PDE6D: variants seen among roughly 807,000 people sequenced by gnomAD.
PDE6D encodes the protein phosphodiesterase 6D.
In PDE6D, 10 loss-of-function variants were observed where a neutral mutation model predicts 21.9. That is an observed-to-expected ratio of 0.46 (90% CI 0.28 to 0.78). The LOEUF (loss-of-function observed/expected upper bound fraction) is 0.78. Ranked by LOEUF, PDE6D falls within the 30% of genes least tolerant of loss-of-function variation. PDE6D has a pLI of 0.12. For missense variants in PDE6D, 139 were observed against 184.8 expected (o/e 0.75, Z 1.44); for synonymous variants, 59 against 63.5 (o/e 0.93, Z 0.34).
chr2:231,768,021 T>G (rs1439186057), intron 1 of PDE6D, among the ~76,000 whole-genome samples: 1 of 151,964 alleles, frequency 6.6e-6, no homozygotes. Context: ...AATTTTTGTA[T>G]TTTTGGTAGA....
chr2:231,737,477 C>T, intron 3 of PDE6D, 185 bp from the exon 4 acceptor site: 2 of 516,218 alleles, frequency 3.9e-6, no homozygotes, highest in South Asian at 5.4e-5. Context: ...CTCTGAACCA[C>T]ACCAAAGGCT....
chr2:231,751,230 C>T (rs916135731), intron 1 of PDE6D, among the ~76,000 whole-genome samples: 4 of 151,990 alleles, frequency 2.6e-5, no homozygotes, highest in East Asian at 1.9e-4. Flanking sequence ...AATCACTGCT[C>T]ATTGCAGCCT....
At chr2:231,747,508 A>G (rs2048803822) in intron 1 of PDE6D, among the ~76,000 whole-genome samples, 1 of 152,218 alleles carries the variant, frequency 6.6e-6, no homozygotes, top group Non-Finnish European at 1.5e-5. Flanking sequence ...AGCTATTATT[A>G]TTATCAATGA....
At chr2:231,768,429 C>G (rs184829269) in intron 1 of PDE6D, among the ~76,000 whole-genome samples, 1 of 152,022 alleles carries the variant, frequency 6.6e-6, no homozygotes, top group African/African-American at 2.4e-5. Flanking sequence ...CTCCCTCTGT[C>G]GTACATGCTG....
At chr2:231,737,949 G>A (rs2048715707) in intron 3 of PDE6D, 64 bp downstream of exon 3, 11 of 1,488,368 alleles carry the variant, frequency 7.4e-6, no homozygotes, top group Admixed American at 2.0e-5. Context: ...AGTTCACTGG[G>A]TATTGTTGCC....
In PDE6D at chr2:231,732,860, T is replaced by C. The variant is rs1383228154; in HGVS notation, c.*92A>G. On this transcript the variant is annotated 3_prime_UTR_variant, in exon 5 of 5. Transcript: ENST00000287600. ...CTGTTGAGGGAATTAGGGGTGTATG[T>C]GTCAAAAATCAAACGTGTGGAGGAA... is the stretch of plus-strand genomic sequence containing the variant. The C allele has an allele frequency of 1.2e-6, 1 of 816,904 alleles. No homozygotes were observed. The highest frequency in any genetic ancestry group is 2.4e-5 in the East Asian group (1 of 41,020). 50.6% of individuals were successfully genotyped at this position (816,904 alleles called of 1,614,324 possible).
chr2:231,749,974 G>A (rs1459606192), intron 1 of PDE6D, among the ~76,000 whole-genome samples: 1 of 152,088 alleles, frequency 6.6e-6, no homozygotes, highest in Non-Finnish European at 1.5e-5. Context: ...GATATGGTTT[G>A]GCTATGTCCC....
chr2:231,780,471 A>T (rs1169552086), intron 1 of PDE6D, among the ~76,000 whole-genome samples: 2 of 152,080 alleles, frequency 1.3e-5, no homozygotes, highest in Non-Finnish European at 2.9e-5. Flanking sequence ...ACCTCCCCCA[A>T]CTACTCCAGT....
intron 1 of PDE6D, among the ~76,000 whole-genome samples, chr2:231,777,061 A>T (rs2049063299): frequency 6.6e-6 from 1 of 152,194 alleles, no homozygotes; most frequent in Non-Finnish European, 1.5e-5. Context: ...AACTGGCAAA[A>T]ATAAAAAAGA....
At position 231,780,062 on chromosome 2, in the gene PDE6D, T is replaced by C. The variant is rs998406831; in HGVS notation, c.50+1003A>G. On this transcript the variant is annotated intron_variant, in intron 1 of 4. Transcript: ENST00000287600. Reference sequence around the variant, plus strand: ...GAAGAGATTAAAGTTGGCAGGAGAATGGAAAATTTGAATATCCAAGTTTGC... The same window carrying C: ...GAAGAGATTAAAGTTGGCAGGAGAACGGAAAATTTGAATATCCAAGTTTGC... Among the ~76,000 whole-genome samples the C allele has an allele frequency of 2.6e-5, 4 of 152,308 alleles. No individual in the cohort carries two copies. The South Asian group carries it at 6.2e-4, about 24-fold the overall frequency.
intron 1 of PDE6D, among the ~76,000 whole-genome samples, chr2:231,776,734 C>T (rs374338836): frequency 2.0e-5 from 3 of 152,180 alleles, no homozygotes; most frequent in East Asian, 1.9e-4. Context: ...GTTGAAGGAA[C>T]GAAATGGGAA....
At chr2:231,744,434 C>CTTTTT (rs71396691) in intron 1 of PDE6D, among the ~76,000 whole-genome samples, 2 of 136,212 alleles carry the variant, frequency 1.5e-5, no homozygotes, top group African/African-American at 5.4e-5. Context: ...AATTGCTTTT[C>CTTTTT]TTTTTTTTTT....
chr2:231,744,437 T>C (rs1468896180), intron 1 of PDE6D, among the ~76,000 whole-genome samples: 1 of 150,026 alleles, frequency 6.7e-6, no homozygotes, highest in East Asian at 1.9e-4. Context: ...TGCTTTTCTT[T>C]TTTTTTTTTT....
chr2:231,751,704 G>C (rs528402341), intron 1 of PDE6D, among the ~76,000 whole-genome samples: 5 of 152,200 alleles, frequency 3.3e-5, no homozygotes, highest in African/African-American at 1.2e-4. Context: ...TATTAGACTG[G>C]AGTTATGGGT....
chr2:231,780,609 G>A (rs1204904877), intron 1 of PDE6D, among the ~76,000 whole-genome samples: 1 of 152,152 alleles, frequency 6.6e-6, no homozygotes, highest in African/African-American at 2.4e-5. Flanking sequence ...AAGGTCGCCC[G>A]CTCCAAGTCA....
At chr2:231,756,601 C>CTTTTTTTTTTTTTTTTTTTTTTT (rs78576087) in intron 1 of PDE6D, among the ~76,000 whole-genome samples, 1 of 116,456 alleles carries the variant, frequency 8.6e-6, no homozygotes, top group Admixed American at 9.1e-5. Context: ...CTAAACCTGG[C>CTTTTTTTTTTTTTTTTTTTTTTT]TTTTTTTTTT....
chr2:231,747,917 C>T (rs2048807266), intron 1 of PDE6D, among the ~76,000 whole-genome samples: 1 of 152,232 alleles, frequency 6.6e-6, no homozygotes, highest in Non-Finnish European at 1.5e-5. Flanking sequence ...TTTTCTCTTG[C>T]CGCCGCCATG....
chr2:231,756,754 CAA>C (rs1180864581), intron 1 of PDE6D, among the ~76,000 whole-genome samples: 1 of 150,150 alleles, frequency 6.7e-6, no homozygotes, highest in East Asian at 2.0e-4. Flanking sequence ...ACCAAAGATT[CAA>C]AGAGAAAGTT....
chr2:231,739,268 C>A lies in PDE6D; in HGVS notation c.51-80G>T. On this transcript the variant is annotated intron_variant, in intron 1 of 4. Coordinates refer to ENST00000287600, the MANE Select transcript of PDE6D (RefSeq NM_002601.4). This position sits in a 1 kb window ranked among gnomAD's most constrained non-coding sequence, Gnocchi z 4.2. Reference sequence around the variant, plus strand: ...ATTCTAGGTGTCTCATGTTTACTCCCACCAACTCTTGTTTACTTTTTAAAA... The same window carrying A: ...ATTCTAGGTGTCTCATGTTTACTCCAACCAACTCTTGTTTACTTTTTAAAA... The A allele has an allele frequency of 1.2e-6, 1 of 864,484 alleles. No individual in the cohort carries two copies. The highest frequency in any genetic ancestry group is 1.3e-5 in the South Asian group (1 of 75,972). The allele number at this position is 864,484 out of a possible 1,614,324, so 53.6% of individuals were successfully genotyped here.
Sources: allele counts gnomAD v4.1 joint callset (sites outside exome capture counted in the v4.1 genomes callset), GRCh38; gene constraint gnomAD v4.1.1; non-coding constraint Gnocchi (gnomAD v3.1); transcripts MANE v1.5; gene names NCBI Gene and HGNC (gene_info 2026-07-23, HGNC 2026-07-21).